LRATD1: variants seen among roughly 807,000 people sequenced by gnomAD.
LRATD1 encodes the protein LRAT domain containing 1.
In LRATD1, 8 loss-of-function variants were observed where a neutral mutation model predicts 21.3. The ratio of observed to expected loss-of-function variants is 0.38; its 90% CI spans 0.22 to 0.68. LRATD1 has a LOEUF of 0.68. LRATD1 is among the 30% of genes least tolerant of loss of function. The pLI, the probability that LRATD1 is intolerant of heterozygous loss-of-function variation, is 0.54. For synonymous variants in LRATD1, 210 were observed against 186.2 expected (o/e 1.13, Z -1.04); for missense variants, 380 against 404.0 (o/e 0.94, Z 0.51).
At position 14,637,951 on chromosome 2, in the gene LRATD1, G is replaced by A. The variant is rs1244168343; in HGVS notation, c.*3093G>A. The A allele has an allele frequency of 6.0e-6, 1 of 166,988 alleles. No individual in the cohort carries two copies. Among genetic ancestry groups the A allele is most frequent in the African/African-American group, 2.4e-5 (1 of 41,414 alleles). 10.3% of individuals were successfully genotyped at this position (166,988 alleles called of 1,614,324 possible). Reference sequence around the variant, plus strand: ...GGTTCACAGTAATTTCCATGATGTTGGGTGTGGCTAAGCTGGGGATTGGTT... The same window carrying A: ...GGTTCACAGTAATTTCCATGATGTTAGGTGTGGCTAAGCTGGGGATTGGTT... On this transcript the variant is annotated 3_prime_UTR_variant, in exon 2 of 2. Coordinates refer to ENST00000295092, the MANE Select transcript of LRATD1 (RefSeq NM_145175.4).
In LRATD1 at chr2:14,635,012, TC is replaced by T; in HGVS notation, c.*158del. 9.4e-7 allele frequency: 1 copy of T among 1,065,294 alleles called. No individual in the cohort carries two copies. Among genetic ancestry groups the T allele is most frequent in the Non-Finnish European group, 1.4e-6 (1 of 719,548 alleles). The allele number at this position is 1,065,294 out of a possible 1,614,324, so 66.0% of individuals were successfully genotyped here. ...CCCGGGCCCGGGCTGCACCCCCGCA[TC>T]CCCAAGCCAGCGGCAGGAAGTCTCA... On this transcript the variant is annotated 3_prime_UTR_variant, in exon 2 of 2. Transcript: ENST00000295092.
At position 14,636,021 on chromosome 2, in the gene LRATD1, A is replaced by T. The variant is rs1671681404; in HGVS notation, c.*1163A>T. 4.5e-6 allele frequency: 1 copy of T among 220,260 alleles called. No individual in the cohort carries two copies. The allele number at this position is 220,260 out of a possible 1,614,324, so 13.6% of individuals were successfully genotyped here. On this transcript the variant is annotated 3_prime_UTR_variant, in exon 2 of 2. Coordinates refer to ENST00000295092, the MANE Select transcript of LRATD1 (RefSeq NM_145175.4). ...TTTAGCAACAGGCTAATAAAATTTC[A>T]AATTGAAATTTTTATTTTCATGGCT...
At chr2:14,649,192 G>T (rs1671956787) in intron 4 of LRATD1, 1 of 441,188 alleles carries the variant, frequency 2.3e-6, no homozygotes. Context: ...AGCATGTGTA[G>T]GGGTTGGGGG....
At chr2:14,643,901 G>A (rs550863461), downstream of LRATD1, among the ~76,000 whole-genome samples, 2 of 152,280 alleles carry the variant, frequency 1.3e-5, no homozygotes, top group South Asian at 4.2e-4. Context: ...AAGGTGTCTT[G>A]GCACTTTGAT....
downstream of LRATD1, among the ~76,000 whole-genome samples, chr2:14,641,196 C>T (rs1045543310): frequency 6.6e-5 from 10 of 152,230 alleles, no homozygotes; most frequent in Non-Finnish European, 1.2e-4. Flanking sequence ...ACCCCCTACC[C>T]ACAACATTGA....
downstream of LRATD1, among the ~76,000 whole-genome samples, chr2:14,644,099 G>A (rs1671854197): frequency 8.0e-6 from 1 of 125,634 alleles, no homozygotes; most frequent in South Asian, 2.5e-4. Context: ...ATAAAGGCAA[G>A]CATTTTTTTT....
rs1411551085 is a variant in LRATD1 at position 14,638,829 on chromosome 2, C to T, written c.*3971C>T. ...CCTTTCAGAGGTGATTTGCCACGTGCACAAAGGGTCTGTAGGTGAAAAGAC... is the reference window on the plus strand; with the variant it reads ...CCTTTCAGAGGTGATTTGCCACGTGTACAAAGGGTCTGTAGGTGAAAAGAC... On this transcript the variant is annotated 3_prime_UTR_variant, in exon 2 of 2. Coordinates refer to ENST00000295092, the MANE Select transcript of LRATD1 (RefSeq NM_145175.4). 1 of 166,938 alleles carries T rather than the reference C, an allele frequency of 6.0e-6. No homozygotes were observed. Among genetic ancestry groups the T allele is most frequent in the East Asian group, 1.9e-4 (1 of 5,194 alleles). The allele number at this position is 166,938 out of a possible 1,614,324, so 10.3% of individuals were successfully genotyped here.
downstream of LRATD1, among the ~76,000 whole-genome samples, chr2:14,642,322 C>T (rs1369020734): frequency 6.6e-6 from 1 of 152,126 alleles, no homozygotes; most frequent in Admixed American, 6.5e-5. Flanking sequence ...ATGGTACAAA[C>T]ATTTCTTCTT....
chr2:14,638,400 A>G lies in LRATD1; in HGVS notation c.*3542A>G, dbSNP rs1671739123. ...GCCAGATTAGAACATCAAGCACAGA[A>G]GCAGCTGTATGATTTACCTGTTTTT... On this transcript the variant is annotated 3_prime_UTR_variant, in exon 2 of 2. Transcript: ENST00000295092. The G allele has an allele frequency of 6.0e-6, 1 of 167,000 alleles. No homozygotes were observed. Among genetic ancestry groups the G allele is most frequent in the South Asian group, 2.1e-4 (1 of 4,832 alleles). 10.3% of individuals were successfully genotyped at this position (167,000 alleles called of 1,614,324 possible).
At chr2:14,640,902 A>G (rs1671796630), downstream of LRATD1, among the ~76,000 whole-genome samples, 1 of 152,198 alleles carries the variant, frequency 6.6e-6, no homozygotes, top group Non-Finnish European at 1.5e-5. Flanking sequence ...GAGGGAGGCA[A>G]GGCTCAGAGG....
intron 4 of LRATD1, chr2:14,649,207 G>A (rs1671957226): frequency 2.2e-6 from 1 of 448,126 alleles, no homozygotes; most frequent in African/African-American, 2.0e-5. Flanking sequence ...TGGGGGAGGG[G>A]GGATGTGGAG....
rs1406581363 is a variant in LRATD1 at position 14,635,171 on chromosome 2, G to A, written c.*313G>A. On this transcript the variant is annotated 3_prime_UTR_variant, in exon 2 of 2. Transcript: ENST00000295092. ...AACCGGGAACGGGGAAGGGGCTGAG[G>A]GGAGAAAGGACATGGCCTTCCCCGC... 3 of 651,394 alleles carry A rather than the reference G, an allele frequency of 4.6e-6. No individual in the cohort carries two copies. The highest frequency in any genetic ancestry group is 5.8e-6 in the Non-Finnish European group (2 of 342,852). The allele number at this position is 651,394 out of a possible 1,614,324, so 40.4% of individuals were successfully genotyped here.
chr2:14,634,069 G>T lies in LRATD1; in HGVS notation c.90G>T (p.Arg30=). ...DPSGIEKDEL[R]VGVAYFFSDD... is the part of the protein sequence containing the mutation. ...CGGGGATTGAAAAGGACGAACTGCG[G>T]GTCGGGGTTGCCTACTTCTTCTCGG... is the stretch of plus-strand genomic sequence containing the variant. Residue 30 remains arginine, a synonymous_variant, in exon 2 of 2, where the codon CGG becomes CGT. Transcript: ENST00000295092. The T allele has an allele frequency of 6.2e-7, 1 of 1,614,162 alleles. No individual in the cohort carries two copies. The highest frequency in any genetic ancestry group is 8.5e-7 in the Non-Finnish European group (1 of 1,180,036).
exon 3 of LRATD1, chr2:14,646,215 G>A (rs1671892114): frequency 6.6e-6 from 1 of 152,144 alleles, no homozygotes; most frequent in South Asian, 2.1e-4. Flanking sequence ...ATCTACCTTA[G>A]AGAGGTAGGT....
chr2:14,648,108 T>C (rs1375493922), intron 4 of LRATD1, among the ~76,000 whole-genome samples: 1 of 152,212 alleles, frequency 6.6e-6, no homozygotes, highest in Non-Finnish European at 1.5e-5. Flanking sequence ...GATTCTTTAT[T>C]ATAAAAGTTA....
At position 14,634,846 on chromosome 2, in the gene LRATD1, C is replaced by G; in HGVS notation, c.867C>G (p.Asp289Glu). The stretch of plus-strand genomic sequence containing the variant: ...TCCAGGAGCTCGCCGACCTCGTGGA[C>G]GACAAGGAGTAGCCGCCTAGGGGCT... Reference protein sequence around the residue: ...RVLQELADLVDDKE With the variant: ...RVLQELADLVEDKE The change falls in exon 2 of 2, where the codon GAC becomes GAG. Residue 289 changes from aspartate to glutamate, a missense_variant. Coordinates refer to ENST00000295092, the MANE Select transcript of LRATD1 (RefSeq NM_145175.4). The G allele has an allele frequency of 6.8e-6, 11 of 1,609,276 alleles. No homozygotes were observed. Among genetic ancestry groups the G allele is most frequent in the Non-Finnish European group, 8.5e-6 (10 of 1,177,174 alleles).
chr2:14,634,575 A>T lies in LRATD1; in HGVS notation c.596A>T (p.His199Leu). The T allele has an allele frequency of 6.7e-7, 1 of 1,494,496 alleles. No individual in the cohort carries two copies. The highest frequency in any genetic ancestry group is 8.9e-7 in the Non-Finnish European group (1 of 1,119,956). 92.6% of individuals were successfully genotyped at this position (1,494,496 alleles called of 1,614,324 possible). A position where few individuals can be genotyped will look rare whatever the true frequency, so the allele number is the denominator to read the frequency against. ...CTGGTGGTGCAGAACGCCTGCGGCC[A>T]CCTGGGCCTCAAGAGCGAGGAGATC... The part of the protein sequence containing the change: ...AELVVQNACG[H>L]LGLKSEEICW... The change falls in exon 2 of 2, where the codon CAC becomes CTC. Residue 199 changes from histidine (H) to leucine (L), a missense_variant. His to Leu is a moderately conservative substitution (Grantham distance 99, BLOSUM62 -3). Transcript: ENST00000295092.
In LRATD1 at chr2:14,638,348, C is replaced by A. The variant is rs71435443; in HGVS notation, c.*3490C>A. 3 of 165,990 alleles carry A rather than the reference C, an allele frequency of 1.8e-5. No homozygotes were observed. Among genetic ancestry groups the A allele is most frequent in the African/African-American group, 7.3e-5 (3 of 41,060 alleles). 10.3% of individuals were successfully genotyped at this position (165,990 alleles called of 1,614,324 possible). ...TGACAGTATTTTTTAAAAATAATAACGTATATTATAGTTACGAAACACTTG... is the reference window on the plus strand; with the variant it reads ...TGACAGTATTTTTTAAAAATAATAAAGTATATTATAGTTACGAAACACTTG... On this transcript the variant is annotated 3_prime_UTR_variant, in exon 2 of 2. Coordinates refer to ENST00000295092, the MANE Select transcript of LRATD1 (RefSeq NM_145175.4).
chr2:14,634,890 C>A lies in LRATD1; in HGVS notation c.*32C>A. The A allele has an allele frequency of 1.3e-6, 2 of 1,590,538 alleles. No individual in the cohort carries two copies. The highest frequency in any genetic ancestry group is 1.7e-6 in the Non-Finnish European group (2 of 1,166,726). ...AGGGGCTGCCGGCCCCTCTGCCTCC[C>A]CCGCACCTCGCTCCCTTCCCTTCCC... On this transcript the variant is annotated 3_prime_UTR_variant, in exon 2 of 2. Transcript: ENST00000295092.
Sources: gnomAD v4.1 joint callset for allele counts (sites outside exome capture counted in the v4.1 genomes callset) on GRCh38, gnomAD v4.1.1 for gene constraint, MANE v1.5 for transcripts, NCBI Gene and HGNC (gene_info 2026-07-23, HGNC 2026-07-21) for gene names.